The following NIPAL3 variants were observed in gnomAD, a reference collection of about 807,000 sequenced individuals.
The protein encoded by NIPAL3 is NIPA-like protein 3.
A neutral mutation model predicts 47.2 loss-of-function variants in NIPAL3; 41 were observed. The observed-to-expected ratio is 0.87, with a 90% CI of 0.68 to 1.13. NIPAL3 has a LOEUF of 1.13. Among genes scored for constraint, NIPAL3 ranks in the 50% most tolerant of loss-of-function variants. NIPAL3 has a pLI of 0.00. For synonymous variants in NIPAL3, 194 were observed against 209.6 expected (o/e 0.93, Z 0.64); for missense variants, 449 against 530.1 (o/e 0.85, Z 1.50).
chr1:24,466,949 G>A (rs183275823), intron 11 of NIPAL3, among the ~76,000 whole-genome samples: 46 of 152,302 alleles, frequency 3.0e-4, no homozygotes, highest in Admixed American at 2.6e-3. Flanking sequence ...GGTCTTCCCA[G>A]GCCATTTGCA....
intron 2 of NIPAL3, among the ~76,000 whole-genome samples, chr1:24,421,563 G>A (rs1245857400): frequency 6.6e-6 from 1 of 152,194 alleles, no homozygotes. Flanking sequence ...TAATAACAGT[G>A]ACTAATATTT....
At chr1:24,458,722 A>G (rs1025779451) in intron 8 of NIPAL3, among the ~76,000 whole-genome samples, 166 bp from the exon 9 acceptor site, 4 of 152,074 alleles carry the variant, frequency 2.6e-5, no homozygotes, top group Non-Finnish European at 5.9e-5. Flanking sequence ...TGGGCCCCAG[A>G]CTAGGGATAC....
chr1:24,446,636 G>A (rs1269795056), intron 5 of NIPAL3, among the ~76,000 whole-genome samples: 1 of 152,152 alleles, frequency 6.6e-6, no homozygotes, highest in Non-Finnish European at 1.5e-5. Flanking sequence ...GTATTCCATG[G>A]TGTATACGTA....
chr1:24,472,522 G>A lies in NIPAL3; in HGVS notation c.*3337G>A, dbSNP rs1389248882. 6.6e-6 allele frequency: 1 copy of A among 152,112 alleles called. No individual in the cohort carries two copies. The highest frequency in any genetic ancestry group is 1.5e-5 in the Non-Finnish European group (1 of 68,044). 9.4% of individuals were successfully genotyped at this position (152,112 alleles called of 1,614,324 possible). A position where few individuals can be genotyped will look rare whatever the true frequency, so the allele number is the denominator to read the frequency against. ...AAATATCACACCTCGGTCTCCTTTT[G>A]AGCAGCCCAGGTACCTAAAGCAAGG... On this transcript the variant is annotated 3_prime_UTR_variant, in exon 12 of 12. Transcript: ENST00000374399.
rs1196323444 is a variant in NIPAL3 at position 24,441,994 on chromosome 1, A to G, written c.163-61A>G. ...AGTTGGGGGTGGATTTAGGGTACCT[A>G]CATCATAGCATTTTTTTCCCCAAAC... On this transcript the variant is annotated intron_variant, in intron 3 of 11. Transcript: ENST00000374399. 6 of 1,565,304 alleles carry G rather than the reference A, an allele frequency of 3.8e-6. No homozygotes were observed. In the East Asian group the frequency reaches 1.1e-4, roughly 29 times the overall value.
At chr1:24,428,703 C>T (rs1370731935) in intron 2 of NIPAL3, among the ~76,000 whole-genome samples, 1 of 152,224 alleles carries the variant, frequency 6.6e-6, no homozygotes, top group Non-Finnish European at 1.5e-5. Flanking sequence ...CGCCTTTTCT[C>T]CTATTAATCT....
intron 2 of NIPAL3, 29 bp from the exon 3 acceptor site, chr1:24,440,143 A>T (rs1557506578): frequency 2.0e-6 from 3 of 1,521,606 alleles, no homozygotes; most frequent in Admixed American, 4.4e-5. Flanking sequence ...TGCCCAAATC[A>T]TGTCCACTCC....
At chr1:24,445,332 A>T in intron 5 of NIPAL3, 88 bp downstream of exon 5, 2 of 915,996 alleles carry the variant, frequency 2.2e-6, no homozygotes, top group South Asian at 1.4e-5. Flanking sequence ...TTCAGAGGTT[A>T]TCTGCCTCCT....
At chr1:24,420,629 A>C (rs1230896216) in intron 2 of NIPAL3, among the ~76,000 whole-genome samples, 1 of 152,222 alleles carries the variant, frequency 6.6e-6, no homozygotes, top group African/African-American at 2.4e-5. Flanking sequence ...ATTTGGGGTC[A>C]CATTGCACAT....
intron 2 of NIPAL3, 90 bp downstream of exon 2, chr1:24,419,730 T>A: frequency 9.0e-7 from 1 of 1,106,616 alleles, no homozygotes. Context: ...ATGTATGGGG[T>A]CTGCATGCCT....
upstream of NIPAL3, chr1:24,414,857 C>T (rs1471624489): frequency 6.6e-6 from 1 of 152,138 alleles, no homozygotes; most frequent in Non-Finnish European, 1.5e-5. Context: ...TAAACTGTCC[C>T]TGGCCCGTCC....
intron 7 of NIPAL3, 38 bp downstream of exon 7, chr1:24,453,542 C>A: frequency 6.8e-7 from 1 of 1,475,500 alleles, no homozygotes; most frequent in Non-Finnish European, 9.4e-7. Flanking sequence ...TTGCCACCAC[C>A]AAGAAGCACC....
chr1:24,415,969 AGCG>A (rs966549768), intron 1 of NIPAL3, 65 bp downstream of exon 1: 3 of 984,950 alleles, frequency 3.0e-6, no homozygotes, highest in African/African-American at 1.7e-5. Flanking sequence ...TTCTGGAAAA[AGCG>A]AAGTCACCTA....
intron 7 of NIPAL3, among the ~76,000 whole-genome samples, chr1:24,455,766 C>G (rs1190475077): frequency 1.3e-5 from 2 of 152,212 alleles, no homozygotes; most frequent in Non-Finnish European, 2.9e-5. Context: ...CCTGTGGTTG[C>G]CATGAGACTG....
rs1342608226 is a variant in NIPAL3, at chr1:24,451,477, CT to C, written c.540+1853del. Among the ~76,000 whole-genome samples the C allele has an allele frequency of 6.6e-6, 1 of 151,964 alleles. No homozygotes were observed. The highest frequency in any genetic ancestry group is 1.5e-5 in the Non-Finnish European group (1 of 67,994). On this transcript the variant is annotated intron_variant, in intron 6 of 11. Coordinates refer to ENST00000374399, the MANE Select transcript of NIPAL3 (RefSeq NM_020448.5). The surrounding 1 kb of genome is among the most constrained non-coding windows in gnomAD (Gnocchi z 4.5). ...TTGGGAGGCCGAGGTAGGAGGATTG[CT>C]TGAGCCCAGGAACTTGAGACCAGTG...
intron 8 of NIPAL3, chr1:24,457,598 T>G (rs1646274276): frequency 2.6e-6 from 1 of 382,326 alleles, no homozygotes; most frequent in Admixed American, 3.4e-5. Flanking sequence ...GTACAGGATA[T>G]TATCCCCATT....
At chr1:24,441,804 C>CA (rs1439838641) in intron 3 of NIPAL3, among the ~76,000 whole-genome samples, 1 of 152,116 alleles carries the variant, frequency 6.6e-6, no homozygotes, top group East Asian at 1.9e-4. Flanking sequence ...GGATGAGGCC[C>CA]AGGTGGGTAT....
intron 2 of NIPAL3, among the ~76,000 whole-genome samples, chr1:24,439,693 G>A (rs192637449): frequency 5.9e-5 from 9 of 152,258 alleles, no homozygotes; most frequent in Admixed American, 5.9e-4. Context: ...TAACTCATAG[G>A]TGATGTAAAT....
chr1:24,458,975 A>T lies in NIPAL3; in HGVS notation c.861A>T (p.Ala287=). ...YILSTTIAIT[A]GAIFYLDFIG... is the part of the protein sequence containing the mutation. ...TGTCCACAACCATTGCTATCACAGCAGGTAAGGGTGACCCATTGCTAGATT... is the reference window on the plus strand; with the variant it reads ...TGTCCACAACCATTGCTATCACAGCTGGTAAGGGTGACCCATTGCTAGATT... The change falls in exon 9 of 12, where the codon GCA becomes GCT. Residue 287 remains alanine (A), a splice_region_variant and synonymous_variant. Transcript: ENST00000374399. 1.9e-6 allele frequency: 3 copies of T among 1,613,398 alleles called. No individual in the cohort carries two copies. The highest frequency in any genetic ancestry group is 2.5e-6 in the Non-Finnish European group (3 of 1,179,384).
Sources: allele counts gnomAD v4.1 joint callset (sites outside exome capture counted in the v4.1 genomes callset), GRCh38; gene constraint gnomAD v4.1.1; non-coding constraint Gnocchi (gnomAD v3.1); transcripts MANE v1.5; gene names NCBI Gene and HGNC (gene_info 2026-07-23, HGNC 2026-07-21).